ZDHHC11B: variants seen among roughly 807,000 people sequenced by gnomAD.
ZDHHC11B encodes zDHHC palmitoyltransferase 11B (putative).
In ZDHHC11B, 17 loss-of-function variants were observed where a neutral mutation model predicts 42.3. The ratio of observed to expected loss-of-function variants is 0.40; its 90% CI spans 0.27 to 0.60. ZDHHC11B has a LOEUF of 0.60. Ranked by LOEUF, ZDHHC11B falls within the 20% of genes least tolerant of loss-of-function variation. The pLI is 0.41. For synonymous variants in ZDHHC11B, 123 were observed against 193.5 expected (o/e 0.64, Z 3.02); for missense variants, 262 against 463.2 (o/e 0.57, Z 3.99).
At position 711,474 on chromosome 5, in the gene ZDHHC11B, C is replaced by T. The variant is rs1358610467; in HGVS notation, c.*816G>A. On this transcript the variant is annotated 3_prime_UTR_variant, in exon 14 of 14. Transcript: ENST00000508859. ...TTCCCAGTGCTGTATACTCCTATTT[C>T]CCAGTGCCATGTGCTTCCATTTCCC... 1 of 154,910 alleles carries T rather than the reference C, an allele frequency of 6.5e-6. No individual in the cohort carries two copies. Among genetic ancestry groups the T allele is most frequent in the Non-Finnish European group, 1.4e-5 (1 of 69,462 alleles). 9.6% of individuals were successfully genotyped at this position (154,910 alleles called of 1,614,324 possible). A position where few individuals can be genotyped will look rare whatever the true frequency, so the allele number is the denominator to read the frequency against.
At chr5:759,007 C>A (rs1734222685) in intron 4 of ZDHHC11B, among the ~76,000 whole-genome samples, 1 of 151,870 alleles carries the variant, frequency 6.6e-6, no homozygotes, top group African/African-American at 2.4e-5. Flanking sequence ...TGACACGGAG[C>A]ACCGTGTTCT....
At chr5:712,412 G>A (rs1485870730) in intron 13 of ZDHHC11B, 130 bp from the exon 14 acceptor site, 1 of 148,442 alleles carries the variant, frequency 6.7e-6, no homozygotes, top group Non-Finnish European at 1.5e-5. Flanking sequence ...GTTTCTGCGT[G>A]GATCATCACC....
chr5:745,529 G>A (rs1744691713), intron 8 of ZDHHC11B, among the ~76,000 whole-genome samples: 1 of 149,896 alleles, frequency 6.7e-6, no homozygotes, highest in Non-Finnish European at 1.5e-5. Flanking sequence ...TGCGACCTGG[G>A]GAACGGTGCT....
rs560810369 is a variant in ZDHHC11B at position 760,528 on chromosome 5, C to G, written c.223-4384G>C. On this transcript the variant is annotated intron_variant, in intron 4 of 13. Transcript: ENST00000508859. ...CCCAGAACTGTGAGACCAGATATGT[C>G]TGCTGTTGCAGGCACCCGGTTTTTG... Among the ~76,000 whole-genome samples, 27 of 151,780 alleles carry G rather than the reference C, an allele frequency of 1.8e-4. No homozygotes were observed. In the South Asian group the frequency reaches 5.2e-3, roughly 29 times the overall value.
intron 1 of ZDHHC11B, among the ~76,000 whole-genome samples, chr5:775,936 C>A (rs1413146715): frequency 2.1e-5 from 3 of 144,826 alleles, no homozygotes; most frequent in Admixed American, 6.9e-5. Context: ...CTGTCCCAGG[C>A]CCTGCAGGTG....
chr5:774,764 C>G (rs1200042142), intron 1 of ZDHHC11B, among the ~76,000 whole-genome samples: 1 of 53,772 alleles, frequency 1.9e-5, no homozygotes, highest in Non-Finnish European at 4.1e-5. Context: ...GGGTCTGTCA[C>G]TAGCGCCAGG....
At position 784,700 on chromosome 5, in the gene ZDHHC11B, C is replaced by A. The variant is rs1421535279; in HGVS notation, c.-262G>T. ...ACGCAGCAACTGCAGCGGAGGCTCC[C>A]CCGCGACCCGGCCGCGCGCGACCAA... is the stretch of plus-strand genomic sequence containing the variant. On this transcript the variant is annotated 5_prime_UTR_variant, in exon 1 of 14. Coordinates refer to ENST00000508859, the MANE Select transcript of ZDHHC11B (RefSeq NM_001351303.2). Among the ~76,000 whole-genome samples the A allele has an allele frequency of 6.7e-6, 1 of 150,114 alleles. No individual in the cohort carries two copies. Among genetic ancestry groups the A allele is most frequent in the South Asian group, 2.1e-4 (1 of 4,758 alleles).
chr5:754,226 A>AGGGGAAACAACCTCTCGT (rs1746223020), intron 6 of ZDHHC11B, among the ~76,000 whole-genome samples: 1 of 47,964 alleles, frequency 2.1e-5, no homozygotes, highest in Non-Finnish European at 4.0e-5. Flanking sequence ...AACACGTCTC[A>AGGGGAAACAACCTCTCGT]TCTATGAGCC....
At chr5:778,339 C>T (rs1166135407) in intron 1 of ZDHHC11B, among the ~76,000 whole-genome samples, 2 of 151,374 alleles carry the variant, frequency 1.3e-5, no homozygotes, top group Non-Finnish European at 3.0e-5. Context: ...ATTAAAGGCA[C>T]CTTCTGTGGG....
At chr5:751,654 A>G (rs1209786719) in intron 6 of ZDHHC11B, among the ~76,000 whole-genome samples, 1 of 127,256 alleles carries the variant, frequency 7.9e-6, no homozygotes, top group Non-Finnish European at 1.8e-5. Flanking sequence ...CACTTGAGAG[A>G]GGGCTCCTGG....
chr5:742,490 C>CAG (rs1554033486), intron 9 of ZDHHC11B, among the ~76,000 whole-genome samples: 1 of 93,042 alleles, frequency 1.1e-5, no homozygotes, highest in Admixed American at 1.4e-4. Context: ...TTCACAGAAA[C>CAG]TGTTTTTTCA....
At chr5:772,209 G>A (rs530246224) in intron 1 of ZDHHC11B, among the ~76,000 whole-genome samples, 17 of 149,730 alleles carry the variant, frequency 1.1e-4, no homozygotes, top group African/African-American at 3.4e-4. Flanking sequence ...GCGGACGGGT[G>A]GGAGTCACGA....
At chr5:779,485 G>A (rs1168288760) in intron 1 of ZDHHC11B, among the ~76,000 whole-genome samples, 3 of 149,816 alleles carry the variant, frequency 2.0e-5, no homozygotes, top group Non-Finnish European at 4.5e-5. Context: ...CAGGATGGGT[G>A]TTAGGCCAGG....
In ZDHHC11B at chr5:776,848, C is replaced by G. The variant is rs528572994; in HGVS notation, c.-230+7820G>C. On this transcript the variant is annotated intron_variant, in intron 1 of 13. Coordinates refer to ENST00000508859, the MANE Select transcript of ZDHHC11B (RefSeq NM_001351303.2). ...GAGCCCATTTGGGTGCAGCACAGCC[C>G]TTTGGCAGATGGTTCTTGTTTTTCA... Among the ~76,000 whole-genome samples, 165 of 151,986 alleles carry G rather than the reference C, an allele frequency of 1.1e-3. 7 individuals carry two copies. Among genetic ancestry groups the G allele is most frequent in the African/African-American group, 3.9e-3 (162 of 41,450 alleles).
At chr5:767,261 A>T in intron 3 of ZDHHC11B, 131 bp downstream of exon 3, 1 of 1,110,252 alleles carries the variant, frequency 9.0e-7, no homozygotes, top group South Asian at 1.5e-5. Flanking sequence ...CAACGGGAAG[A>T]CCTGAGCTGC....
intron 1 of ZDHHC11B, among the ~76,000 whole-genome samples, chr5:773,347 C>A (rs1334027608): frequency 1.3e-5 from 2 of 151,856 alleles, no homozygotes; most frequent in Non-Finnish European, 2.9e-5. Context: ...AGAGGCTCTG[C>A]TCTTTCACCG....
chr5:755,999 T>C lies in ZDHHC11B; in HGVS notation c.368A>G (p.Gln123Arg). Residue 123 changes from glutamine to arginine, a missense_variant, in exon 5 of 14, where the codon CAG (glutamine) becomes CGG (arginine). This residue lies in a region of ZDHHC11B where 33 missense variants were observed against 174.6 expected (regional missense o/e 0.19). Transcript: ENST00000508859. ...CTTGCACAGGTGGCAGAACTGATTC[T>C]GGATCACGTGTGCATGTTTTGATCT... ...FDRSKHAHVI[Q>R]NQFCHLCKVT... 1 of 1,177,448 alleles carries C rather than the reference T, an allele frequency of 8.5e-7. No individual in the cohort carries two copies. The highest frequency in any genetic ancestry group is 1.2e-6 in the Non-Finnish European group (1 of 845,738). The allele number at this position is 1,177,448 out of a possible 1,614,324, so 72.9% of individuals were successfully genotyped here.
At chr5:767,869 C>T (rs749179251) in intron 2 of ZDHHC11B, among the ~76,000 whole-genome samples, 37 of 16,570 alleles carry the variant, frequency 2.2e-3, no homozygotes, top group South Asian at 4.6e-3. Flanking sequence ...ACCGCAGGGA[C>T]CACGCCTGCC....
At chr5:719,086 A>C (rs1741992021) in intron 12 of ZDHHC11B, among the ~76,000 whole-genome samples, 1 of 151,818 alleles carries the variant, frequency 6.6e-6, no homozygotes, top group South Asian at 2.1e-4. Flanking sequence ...GAGATAAAGG[A>C]AGAGCAACTT....
Sources: gnomAD v4.1 joint callset for allele counts (sites outside exome capture counted in the v4.1 genomes callset) on GRCh38, gnomAD v4.1.1 for gene constraint, gnomAD v4.1.1 regional missense constraint, MANE v1.5 for transcripts, NCBI Gene and HGNC (gene_info 2026-07-23, HGNC 2026-07-21) for gene names.